Variants in HSD3B7 observed in about 807,000 individuals in gnomAD.
HSD3B7 encodes hydroxy-delta-5-steroid dehydrogenase, 3 beta- and steroid delta-isomerase 7.
A neutral mutation model predicts 34.3 loss-of-function variants in HSD3B7; 35 were observed. That is an observed-to-expected ratio of 1.02 (90% CI 0.78 to 1.35). HSD3B7 has a LOEUF of 1.35. HSD3B7 is among the 40% of genes most tolerant of loss of function. HSD3B7 has a pLI of 0.00. For missense variants in HSD3B7, 426 were observed against 504.7 expected (o/e 0.84, Z 1.49); for synonymous variants, 217 against 220.1 (o/e 0.99, Z 0.13).
Position 30,986,701 on chromosome 16 carries a change from G to A in HSD3B7, c.528G>A (p.Arg176=). 1 of 1,613,976 alleles carries A rather than the reference G, an allele frequency of 6.2e-7. No individual in the cohort carries two copies. Among genetic ancestry groups the A allele is most frequent in the Non-Finnish European group, 8.5e-7 (1 of 1,179,984 alleles). Residue 176 remains arginine, a synonymous_variant, in exon 5 of 7, where the codon AGG becomes AGA. Transcript: ENST00000297679. ...AEWLVLEANG[R]KVRGGLPLVT... ...GGCTGGTCCTGGAGGCCAACGGGAGGAAGGTGAGCCCAGAAAAAGGAGGCG... is the reference window on the plus strand; with the variant it reads ...GGCTGGTCCTGGAGGCCAACGGGAGAAAGGTGAGCCCAGAAAAAGGAGGCG...
Position 30,985,809 on chromosome 16 carries a change from G to A in HSD3B7, c.151G>A (p.Glu51Lys). Reference sequence around the variant, plus strand: ...TGACCAACACCTGGGTCCCTGGCTGGAGGAGCTGAAGACAGGTTCTTGTTG... The same window carrying A: ...TGACCAACACCTGGGTCCCTGGCTGAAGGAGCTGAAGACAGGTTCTTGTTG... ...VFDQHLGPWL[E>K]ELKTGPVRVT... Residue 51 changes from glutamate to lysine, a missense_variant, in exon 2 of 7, where the codon GAG (glutamate) becomes AAG (lysine). Glu to Lys is a moderately conservative substitution (Grantham distance 56). Coordinates refer to ENST00000297679, the MANE Select transcript of HSD3B7 (RefSeq NM_025193.4). The A allele has an allele frequency of 6.2e-7, 1 of 1,601,558 alleles. No individual in the cohort carries two copies. The highest frequency in any genetic ancestry group is 8.5e-7 in the Non-Finnish European group (1 of 1,175,304).
intron 5 of HSD3B7, 58 bp from the exon 6 acceptor site, chr16:30,986,782 G>A (rs760946255): frequency 1.0e-4 from 161 of 1,612,242 alleles, no homozygotes; most frequent in Non-Finnish European, 1.2e-4. Flanking sequence ...CAAGGAGGCC[G>A]GGGCCGAGAG....
In HSD3B7 at chr16:30,986,520, C is replaced by T. The variant is rs1596705317; in HGVS notation, c.420C>T (p.His140=). The T allele has an allele frequency of 6.2e-7, 1 of 1,613,930 alleles. No individual in the cohort carries two copies. Among genetic ancestry groups the T allele is most frequent in the Non-Finnish European group, 8.5e-7 (1 of 1,179,804 alleles). ...MEVVGPNTKG[H]PFYRGNEDTP... ...TTGTGGGGCCTAACACCAAAGGTCA[C>T]CCCTTCTACAGGTGAGTGGCAGGCC... The change falls in exon 4 of 7, where the codon CAC becomes CAT. Residue 140 remains histidine, a synonymous_variant. Transcript: ENST00000297679.
At chr16:30,985,861 G>A (rs1290408955) in intron 2 of HSD3B7, 37 bp downstream of exon 2, 1 of 1,587,214 alleles carries the variant, frequency 6.3e-7, no homozygotes, top group Non-Finnish European at 8.6e-7. Context: ...AGAGGGTGTG[G>A]ACGCTTCCCC....
chr16:30,986,599 C>A lies in HSD3B7; in HGVS notation c.432-6C>A. On this transcript the variant is annotated splice_region_variant and splice_polypyrimidine_tract_variant and intron_variant, in intron 4 of 6. Coordinates refer to ENST00000297679, the MANE Select transcript of HSD3B7 (RefSeq NM_025193.4). Reference sequence around the variant, plus strand: ...CAGCATTGAGTCTTCCTTCTCCTCCCACCAGGGGCAACGAAGACACCCCAT... The same window carrying A: ...CAGCATTGAGTCTTCCTTCTCCTCCAACCAGGGGCAACGAAGACACCCCAT... 6.2e-7 allele frequency: 1 copy of A among 1,614,060 alleles called. No individual in the cohort carries two copies. The highest frequency in any genetic ancestry group is 8.5e-7 in the Non-Finnish European group (1 of 1,179,908).
Position 30,988,246 on chromosome 16 carries a change from C to A in HSD3B7, c.*63C>A. On this transcript the variant is annotated 3_prime_UTR_variant, in exon 7 of 7. Transcript: ENST00000297679. ...TCCACCCAGGTCCCGAGCCCTCACA[C>A]CCTGGACGGGAAGGGACAGCTGCAT... 1 of 1,477,128 alleles carries A rather than the reference C, an allele frequency of 6.8e-7. No individual in the cohort carries two copies. Among genetic ancestry groups the A allele is most frequent in the Non-Finnish European group, 9.1e-7 (1 of 1,095,798 alleles). The allele number at this position is 1,477,128 out of a possible 1,614,324, so 91.5% of individuals were successfully genotyped here.
Position 30,987,243 on chromosome 16 carries a change from A to T in HSD3B7, c.694+241A>T, listed in dbSNP as rs138957279. 3.9e-3 allele frequency: 2,167 copies of T among 559,304 alleles called. 8 individuals are homozygous for T. Among genetic ancestry groups the T allele is most frequent in the Admixed American group, 5.6e-3 (182 of 32,280 alleles). 34.6% of individuals were successfully genotyped at this position (559,304 alleles called of 1,614,324 possible). On this transcript the variant is annotated intron_variant, in intron 6 of 6. Transcript: ENST00000297679. ...CTACAGAGAAGATTGCAGCTATGGGAGCAGCCATTCCCCAGGAGAGGAGAG... is the reference window on the plus strand; with the variant it reads ...CTACAGAGAAGATTGCAGCTATGGGTGCAGCCATTCCCCAGGAGAGGAGAG...
chr16:30,985,800 C>T lies in HSD3B7; in HGVS notation c.142C>T (p.Pro48Ser). 4 of 1,602,590 alleles carry T rather than the reference C, an allele frequency of 2.5e-6. No homozygotes were observed. The highest frequency in any genetic ancestry group is 3.4e-6 in the Non-Finnish European group (4 of 1,175,866). ...ELRVFDQHLGPWLEELKTGPV... is the reference protein window; with the variant it reads ...ELRVFDQHLGSWLEELKTGPV... The stretch of plus-strand genomic sequence containing the variant: ...GCGGGTCTTTGACCAACACCTGGGT[C>T]CCTGGCTGGAGGAGCTGAAGACAGG... The change falls in exon 2 of 7, where the codon CCC (proline) becomes TCC (serine). Residue 48 changes from proline to serine, a missense_variant. Transcript: ENST00000297679.
Position 30,987,838 on chromosome 16 carries a change from G to C in HSD3B7, c.765G>C (p.Gln255His), listed in dbSNP as rs751549577. The change falls in exon 7 of 7, where the codon CAG (glutamine) becomes CAC (histidine). Residue 255 changes from glutamine to histidine, a missense_variant. Gln to His is a conservative substitution (Grantham distance 24, BLOSUM62 0). Coordinates refer to ENST00000297679, the MANE Select transcript of HSD3B7 (RefSeq NM_025193.4). Reference protein sequence around the residue: ...LEQRATLMGGQVYFCYDGSPY... With the variant: ...LEQRATLMGGHVYFCYDGSPY... ...AGCGGGCAACCCTGATGGGCGGCCA[G>C]GTATACTTCTGCTACGATGGATCAC... 1.9e-6 allele frequency: 3 copies of C among 1,613,550 alleles called. No homozygotes were observed. Among genetic ancestry groups the C allele is most frequent in the Admixed American group, 3.3e-5 (2 of 60,034 alleles).
In HSD3B7 at chr16:30,988,077, CCGA is replaced by C; in HGVS notation, c.1006_1008del (p.Asp336del). 1 of 1,606,428 alleles carries C rather than the reference CCGA, an allele frequency of 6.2e-7. No individual in the cohort carries two copies. Among genetic ancestry groups the C allele is most frequent in the Non-Finnish European group, 8.5e-7 (1 of 1,179,342 alleles). The stretch of plus-strand genomic sequence containing the variant: ...GCCAACACCACCTTCACCGTCAGCA[CCGA>C]CAAGGCTCAGCGCCATTTCGGCTAT... On this transcript the variant is annotated inframe_deletion, in exon 7 of 7. Transcript: ENST00000297679.
In HSD3B7 at chr16:30,986,687, G is replaced by A. The variant is rs140387407; in HGVS notation, c.514G>A (p.Glu172Lys). 2.5e-5 allele frequency: 40 copies of A among 1,614,100 alleles called. No individual in the cohort carries two copies. The highest frequency in any genetic ancestry group is 4.5e-5 in the East Asian group (2 of 44,886). Residue 172 changes from glutamate (E) to lysine (K), a missense_variant, in exon 5 of 7, where the codon GAG becomes AAG. Transcript: ENST00000297679. Reference sequence around the variant, plus strand: ...GGCCCTGGCCGAGTGGCTGGTCCTGGAGGCCAACGGGAGGAAGGTGAGCCC... The same window carrying A: ...GGCCCTGGCCGAGTGGCTGGTCCTGAAGGCCAACGGGAGGAAGGTGAGCCC... Reference protein sequence around the residue: ...SKALAEWLVLEANGRKVRGGL... With the variant: ...SKALAEWLVLKANGRKVRGGL...
Position 30,986,586 on chromosome 16 carries a change from T to C in HSD3B7, c.432-19T>C, listed in dbSNP as rs776887216. ...AGCCCATTTCCCTCAGCATTGAGTC[T>C]TCCTTCTCCTCCCACCAGGGGCAAC... is the stretch of plus-strand genomic sequence containing the variant. On this transcript the variant is annotated intron_variant, in intron 4 of 6. Transcript: ENST00000297679. The C allele has an allele frequency of 2.3e-5, 37 of 1,613,652 alleles. No individual in the cohort carries two copies. The highest frequency in any genetic ancestry group is 2.7e-5 in the African/African-American group (2 of 74,928).
intron 6 of HSD3B7, 117 bp from the exon 7 acceptor site, chr16:30,987,651 T>G: frequency 6.1e-6 from 7 of 1,148,908 alleles, no homozygotes; most frequent in Non-Finnish European, 9.0e-6. Flanking sequence ...CAGGCTGCTG[T>G]GGGGATGTGG....
At chr16:30,985,584 C>A in intron 1 of HSD3B7, 69 bp from the exon 2 acceptor site, 1 of 1,543,658 alleles carries the variant, frequency 6.5e-7, no homozygotes, top group South Asian at 1.2e-5. Flanking sequence ...TCCAGGGCAC[C>A]TCCAGCAGTA....
At chr16:30,987,713 T>C in intron 6 of HSD3B7, 55 bp from the exon 7 acceptor site, 5 of 1,591,528 alleles carry the variant, frequency 3.1e-6, no homozygotes, top group Non-Finnish European at 4.3e-6. Flanking sequence ...GCAGCCTCGA[T>C]GTGGTGTTGC....
chr16:30,986,354 T>A, intron 3 of HSD3B7, 69 bp from the exon 4 acceptor site: 4 of 1,568,048 alleles, frequency 2.6e-6, no homozygotes, highest in Non-Finnish European at 3.5e-6. Flanking sequence ...TCCCTGGACC[T>A]GGGATGGGGA....
intron 6 of HSD3B7, chr16:30,987,340 A>T (rs1334150967): frequency 2.4e-6 from 1 of 424,012 alleles, no homozygotes. Context: ...CCAGCACTTT[A>T]GGAGGCTGAG....
intron 2 of HSD3B7, 103 bp from the exon 3 acceptor site, chr16:30,985,946 G>A (rs761052644): frequency 1.5e-5 from 23 of 1,575,190 alleles, no homozygotes; most frequent in East Asian, 2.2e-5. Flanking sequence ...TGGATGGGTC[G>A]AGTGAGTCAC....
chr16:30,989,126 G>A lies in HSD3B7; in HGVS notation c.*943G>A, dbSNP rs548070215. The A allele has an allele frequency of 1.1e-4, 17 of 152,320 alleles. No individual in the cohort carries two copies. The highest frequency in any genetic ancestry group is 3.9e-4 in the African/African-American group (16 of 41,530). The allele number at this position is 152,320 out of a possible 1,614,324, so 9.4% of individuals were successfully genotyped here. ...CCCAATGCTGTACCTGGCTGACCCC[G>A]GATTAAAAGCCTCATCCACGACCGT... On this transcript the variant is annotated 3_prime_UTR_variant, in exon 7 of 7. Coordinates refer to ENST00000297679, the MANE Select transcript of HSD3B7 (RefSeq NM_025193.4).
Sources: gnomAD v4.1 joint callset for allele counts on GRCh38, gnomAD v4.1.1 for gene constraint, MANE v1.5 for transcripts, NCBI Gene and HGNC (gene_info 2026-07-23, HGNC 2026-07-21) for gene names.